The following NEDD4 variants were observed in gnomAD, a reference collection of about 807,000 sequenced individuals.
NEDD4 encodes E3 ubiquitin-protein ligase NEDD4.
A neutral mutation model predicts 144.9 loss-of-function variants in NEDD4; 99 were observed. The observed-to-expected ratio is 0.68, with a 90% CI of 0.58 to 0.81. The LOEUF (loss-of-function observed/expected upper bound fraction) is 0.81, where lower values mean the gene tolerates loss of function less well. Ranked by LOEUF, NEDD4 falls within the 30% of genes least tolerant of loss-of-function variation. The pLI is 0.00. For synonymous variants in NEDD4, 318 were observed against 350.6 expected (o/e 0.91, Z 1.04); for missense variants, 985 against 1,065.9 (o/e 0.92, Z 1.06).
intron 1 of NEDD4, among the ~76,000 whole-genome samples, chr15:55,971,413 T>TCAGGAGTTCGAGA (rs1350267336): frequency 6.6e-6 from 1 of 151,936 alleles, no homozygotes; most frequent in Non-Finnish European, 1.5e-5. Flanking sequence ...TCTCTTGAGG[T>TCAGGAGTTCGAGA]CAGGAGTTCG....
chr15:55,880,410 A>G (rs1194714309), intron 5 of NEDD4, among the ~76,000 whole-genome samples: 1 of 152,240 alleles, frequency 6.6e-6, no homozygotes, highest in Non-Finnish European at 1.5e-5. Flanking sequence ...AAGAAATTCT[A>G]AAAGCTTGGA....
intron 4 of NEDD4, among the ~76,000 whole-genome samples, chr15:55,949,825 T>A (rs554075501): frequency 1.3e-5 from 2 of 151,932 alleles, no homozygotes; most frequent in South Asian, 4.2e-4. Context: ...TGGGGAGGGA[T>A]AGTATTAGGA....
At chr15:55,890,790 C>T (rs563532630) in intron 5 of NEDD4, among the ~76,000 whole-genome samples, 1 of 152,302 alleles carries the variant, frequency 6.6e-6, no homozygotes, top group Admixed American at 6.5e-5. Context: ...TCAATTCCTC[C>T]CCTTTCTTAC....
In NEDD4 at chr15:55,852,515, G is replaced by A. The variant is rs755080037; in HGVS notation, c.1055C>T (p.Pro352Leu). 2 of 1,612,742 alleles carry A rather than the reference G, an allele frequency of 1.2e-6. No individual in the cohort carries two copies. Among genetic ancestry groups the A allele is most frequent in the Admixed American group, 3.3e-5 (2 of 59,936 alleles). ...VLLPTSSGLP[P>L]GWEEKQDERG... ...TTCATCTTGTTTTTCTTCCCAACCT[G>A]GTGGTAATCCAGATGAAGTAGGCAA... is the stretch of plus-strand genomic sequence containing the variant. The change falls in exon 13 of 29, where the codon CCA (proline) becomes CTA (leucine). Residue 352 changes from proline (P) to leucine (L), a missense_variant. Pro to Leu is a moderately conservative substitution (Grantham distance 98, BLOSUM62 -3). Coordinates refer to ENST00000435532, the MANE Select transcript of NEDD4 (RefSeq NM_006154.4).
intron 2 of NEDD4, among the ~76,000 whole-genome samples, chr15:55,960,709 A>G (rs1479647680): frequency 6.6e-6 from 1 of 152,160 alleles, no homozygotes; most frequent in African/African-American, 2.4e-5. Flanking sequence ...GAACCCTAAT[A>G]CTGATTTCTC....
At chr15:55,991,539 G>C (rs2037988637) in intron 1 of NEDD4, among the ~76,000 whole-genome samples, 1 of 152,186 alleles carries the variant, frequency 6.6e-6, no homozygotes, top group South Asian at 2.1e-4. Flanking sequence ...AATTACAATG[G>C]AAGAAGTGGA....
Position 55,948,244 on chromosome 15 carries a change from G to C in NEDD4, c.237+3132C>G, listed in dbSNP as rs577353857. ...AAATACCTAGGAATCCAACTTACAA[G>C]GGATGTGAAGGACCTCTTCAAGGAG... On this transcript the variant is annotated intron_variant, in intron 4 of 28. Coordinates refer to ENST00000435532, the MANE Select transcript of NEDD4 (RefSeq NM_006154.4). 2.3e-3 allele frequency among the ~76,000 whole-genome samples: 349 copies of C among 152,252 alleles called. 4 individuals carry two copies. Among genetic ancestry groups the C allele is most frequent in the African/African-American group, 8.0e-3 (334 of 41,544 alleles).
intron 4 of NEDD4, among the ~76,000 whole-genome samples, chr15:55,938,076 G>A (rs1373197627): frequency 2.0e-5 from 3 of 152,036 alleles, no homozygotes; most frequent in African/African-American, 7.2e-5. Context: ...TTCAACAAAT[G>A]GTGGCCAGGC....
At chr15:55,959,736 C>T (rs941981732) in intron 2 of NEDD4, among the ~76,000 whole-genome samples, 10 of 152,164 alleles carry the variant, frequency 6.6e-5, no homozygotes, top group Admixed American at 2.6e-4. Context: ...GAAGCTGAGA[C>T]GGCCTCCAGC....
chr15:55,943,855 C>T (rs1456842106), intron 4 of NEDD4, among the ~76,000 whole-genome samples: 1 of 152,182 alleles, frequency 6.6e-6, no homozygotes, highest in African/African-American at 2.4e-5. Flanking sequence ...AACCCTTAGG[C>T]ACTCAACACT....
chr15:55,973,315 G>T (rs975967164), intron 1 of NEDD4, among the ~76,000 whole-genome samples: 4 of 152,164 alleles, frequency 2.6e-5, no homozygotes, highest in Admixed American at 6.5e-5. Flanking sequence ...AAGATGGGAG[G>T]ACTTCTTGGG....
intron 8 of NEDD4, among the ~76,000 whole-genome samples, chr15:55,863,798 A>G (rs1473980902): frequency 6.6e-6 from 1 of 152,212 alleles, no homozygotes; most frequent in African/African-American, 2.4e-5. Context: ...GTAGAAATCA[A>G]TAACTATCTG....
At chr15:55,992,244 C>T (rs919346934) in intron 1 of NEDD4, among the ~76,000 whole-genome samples, 17 of 152,130 alleles carry the variant, frequency 1.1e-4, no homozygotes, top group Non-Finnish European at 1.6e-4. Context: ...GACTATGAGC[C>T]GCCACCATTT....
chr15:55,912,083 C>T (rs1309866250), intron 5 of NEDD4, among the ~76,000 whole-genome samples: 3 of 152,172 alleles, frequency 2.0e-5, no homozygotes, highest in South Asian at 2.1e-4. Flanking sequence ...TACAAATATA[C>T]ATTTTTCACC....
At position 55,829,666 on chromosome 15, in the gene NEDD4, AGGCACC is replaced by A; in HGVS notation, c.*225_*230del. On this transcript the variant is annotated 3_prime_UTR_variant, in exon 29 of 29. Transcript: ENST00000435532. ...GGTGTGGTGGTGCCTGGCTTTAGGC[AGGCACC>A]TAACTCTAAAGACAGCATGAAACAA... 1 of 386,588 alleles carries A rather than the reference AGGCACC, an allele frequency of 2.6e-6. No individual in the cohort carries two copies. The highest frequency in any genetic ancestry group is 3.4e-5 in the South Asian group (1 of 29,820). 23.9% of individuals were successfully genotyped at this position (386,588 alleles called of 1,614,324 possible).
intron 2 of NEDD4, among the ~76,000 whole-genome samples, chr15:55,952,981 T>G (rs72734331): frequency 0.15 from 20,405 of 137,944 alleles, 1,503 homozygotes; most frequent in East Asian, 0.34. Flanking sequence ...TTTCGTGTAT[T>G]AATTCTTTTT....
chr15:55,873,179 G>A (rs1566924919), intron 6 of NEDD4, among the ~76,000 whole-genome samples: 1 of 151,814 alleles, frequency 6.6e-6, no homozygotes, highest in African/African-American at 2.4e-5. Flanking sequence ...ATCCACTCAC[G>A]TTGACTGAGG....
rs1193082101 is a variant in NEDD4, at chr15:55,860,530, G to C, written c.837C>G (p.Asn279Lys). ...ACGGTGGAGGTGATGGGAAGGCCTG[G>C]TTGCTATACATGGTGGCTTCATCTT... Reference protein sequence around the residue: ...IREDEATMYSNQAFPSPPPSS... With the variant: ...IREDEATMYSKQAFPSPPPSS... Residue 279 changes from asparagine to lysine, a missense_variant, in exon 11 of 29, where the codon AAC becomes AAG. By Grantham distance (94) the Asn-to-Lys change is moderately conservative (BLOSUM62 0). Transcript: ENST00000435532. 14 of 1,613,986 alleles carry C rather than the reference G, an allele frequency of 8.7e-6. No individual in the cohort carries two copies. Among genetic ancestry groups the C allele is most frequent in the Admixed American group, 3.3e-5 (2 of 60,000 alleles).
At chr15:55,902,150 A>G (rs1017925258) in intron 5 of NEDD4, among the ~76,000 whole-genome samples, 2 of 152,186 alleles carry the variant, frequency 1.3e-5, no homozygotes, top group Non-Finnish European at 2.9e-5. Flanking sequence ...GAAGGCCTCA[A>G]TTATATTGGT....
Sources: gnomAD v4.1 joint callset for allele counts (sites outside exome capture counted in the v4.1 genomes callset) on GRCh38, gnomAD v4.1.1 for gene constraint, MANE v1.5 for transcripts, NCBI Gene and HGNC (gene_info 2026-07-23, HGNC 2026-07-21) for gene names.